Variants in RTL4 observed in about 807,000 individuals in gnomAD.
RTL4 encodes retrotransposon Gag like 4, also known as retrotransposon Gag-like protein 4.
In RTL4, 4 loss-of-function variants were observed where a neutral mutation model predicts 5.3. The ratio of observed to expected loss-of-function variants is 0.75; its 90% CI spans 0.37 to 1.72. RTL4 has a LOEUF of 1.72. Among genes scored for constraint, RTL4 ranks in the 40% most tolerant of loss-of-function variants. RTL4 has a pLI of 0.04. For synonymous variants in RTL4, 98 were observed against 87.3 expected, an observed-to-expected ratio of 1.12 and a Z score of -0.68; for missense variants, 260 against 227.1, an observed-to-expected ratio of 1.14 and a Z score of -0.93.
At chrX:112,332,812 CT>C in the RTL4 span, among the ~76,000 whole-genome samples, 4 of 110,515 alleles carry the variant, frequency 3.6e-5, no homozygotes, top group African/African-American at 1.3e-4. Context: ...AACATGTACC[CT>C]AGAACTTAAA....
chrX:112,287,615 G>A, the RTL4 span, among the ~76,000 whole-genome samples: 1 of 111,559 alleles, frequency 9.0e-6, no homozygotes, highest in Admixed American at 9.5e-5. Context: ...TCTAGTAGGA[G>A]CATTCATTTG....
chrX:112,208,342 A>G, the RTL4 span, among the ~76,000 whole-genome samples: 2 of 112,131 alleles, frequency 1.8e-5, no homozygotes, highest in African/African-American at 6.5e-5. Context: ...AGGCCTCACC[A>G]TCATTATTCA....
At chrX:112,095,779 T>A in the RTL4 span, among the ~76,000 whole-genome samples, 2 of 111,294 alleles carry the variant, frequency 1.8e-5, no homozygotes, top group African/African-American at 6.5e-5. Flanking sequence ...AGTGGGTGGC[T>A]GAGGTACAGT....
At chrX:112,245,429 CTTCAT>C in the RTL4 span, among the ~76,000 whole-genome samples, 1 of 111,245 alleles carries the variant, frequency 9.0e-6, no homozygotes, top group African/African-American at 3.3e-5. Context: ...TCTCTTCTTG[CTTCAT>C]TTCATTAGTT....
chrX:112,430,332 T>A, the RTL4 span, among the ~76,000 whole-genome samples: 9 of 111,233 alleles, frequency 8.1e-5, no homozygotes, highest in South Asian at 3.4e-3. Flanking sequence ...ATGTCCAGTA[T>A]ATTAATTAGG....
At chrX:112,296,381 AT>A in the RTL4 span, among the ~76,000 whole-genome samples, 3 of 111,215 alleles carry the variant, frequency 2.7e-5, no homozygotes, top group African/African-American at 9.8e-5. Flanking sequence ...TCCAGGAGTT[AT>A]GGCAGAATCA....
the RTL4 span, among the ~76,000 whole-genome samples, chrX:112,269,881 A>G: frequency 8.9e-6 from 1 of 112,221 alleles, no homozygotes; most frequent in Non-Finnish European, 1.9e-5. Context: ...TTACTGTCCA[A>G]TTCACTTCTA....
the RTL4 span, among the ~76,000 whole-genome samples, chrX:112,151,108 C>T: frequency 8.9e-6 from 1 of 111,951 alleles, no homozygotes; most frequent in African/African-American, 3.2e-5. Flanking sequence ...AAATCTCCTC[C>T]TTTTATAACT....
the RTL4 span, among the ~76,000 whole-genome samples, chrX:112,157,051 T>C: frequency 9.6e-6 from 1 of 103,682 alleles, no homozygotes; most frequent in Non-Finnish European, 2.0e-5. Flanking sequence ...GTACATGGTG[T>C]CTGTTATACT....
chrX:112,417,484 AC>A, the RTL4 span, among the ~76,000 whole-genome samples: 1 of 111,725 alleles, frequency 9.0e-6, no homozygotes, highest in African/African-American at 3.3e-5. Flanking sequence ...TTATTTTCTT[AC>A]CCCACATAGT....
At chrX:112,380,496 T>G in the RTL4 span, among the ~76,000 whole-genome samples, 1 of 111,719 alleles carries the variant, frequency 9.0e-6, no homozygotes, top group African/African-American at 3.3e-5. Flanking sequence ...TAGTATTTCA[T>G]TATAAGGAGG....
At chrX:112,152,365 A>G in the RTL4 span, among the ~76,000 whole-genome samples, 3 of 111,969 alleles carry the variant, frequency 2.7e-5, no homozygotes, top group African/African-American at 9.7e-5. Context: ...CGGAAACTCA[A>G]TGGAAGTTTG....
the RTL4 span, among the ~76,000 whole-genome samples, chrX:112,316,736 C>A: frequency 8.9e-6 from 1 of 111,749 alleles, no homozygotes; most frequent in Non-Finnish European, 1.9e-5. Flanking sequence ...CCTTCCCTCC[C>A]ACTTCTCCCA....
chrX:112,415,380 C>T, the RTL4 span, among the ~76,000 whole-genome samples: 1 of 110,496 alleles, frequency 9.1e-6, no homozygotes, highest in African/African-American at 3.3e-5. Context: ...GTATATATTA[C>T]AGATCAATTC....
chrX:112,128,678 A>AAAAAAAAAAG, the RTL4 span, among the ~76,000 whole-genome samples: 9 of 106,433 alleles, frequency 8.5e-5, no homozygotes, highest in African/African-American at 2.7e-4. Context: ...AAAAAAAAAA[A>AAAAAAAAAAG]GTAAAAGAAC....
the RTL4 span, among the ~76,000 whole-genome samples, chrX:112,134,045 A>G: frequency 1.1e-4 from 12 of 112,574 alleles, no homozygotes; most frequent in African/African-American, 3.9e-4. Flanking sequence ...AATTAGTCGC[A>G]TAGCAGACTG....
the RTL4 span, among the ~76,000 whole-genome samples, chrX:112,447,871 T>C: frequency 1.8e-5 from 2 of 111,792 alleles, no homozygotes; most frequent in African/African-American, 6.5e-5. Flanking sequence ...CAGAGAGTCT[T>C]AAACATGGCC....
chrX:112,244,561 A>G, the RTL4 span, among the ~76,000 whole-genome samples: 2 of 111,004 alleles, frequency 1.8e-5, no homozygotes, highest in Non-Finnish European at 3.8e-5. Flanking sequence ...ATCTTCCTCC[A>G]TCGCTTTATT....
At chrX:112,096,281 A>T in the RTL4 span, among the ~76,000 whole-genome samples, 7 of 112,455 alleles carry the variant, frequency 6.2e-5, no homozygotes, top group African/African-American at 1.6e-4. Context: ...GCCAATTTTC[A>T]TGTAGGGTTC....
Sources: gnomAD v4.1 joint callset for allele counts (sites outside exome capture counted in the v4.1 genomes callset) on GRCh38, gnomAD v4.1.1 for gene constraint, MANE v1.5 for transcripts, NCBI Gene and HGNC (gene_info 2026-07-23, HGNC 2026-07-21) for gene names.